The following NR3C1 variants were observed in gnomAD, a reference collection of about 807,000 sequenced individuals.
NR3C1 encodes glucocorticoid receptor.
A neutral mutation model predicts 74.0 loss-of-function variants in NR3C1; 14 were observed. The observed-to-expected ratio is 0.19, with a 90% CI of 0.12 to 0.30. The LOEUF (loss-of-function observed/expected upper bound fraction) is 0.30. NR3C1 is among the 10% of genes least tolerant of loss of function. The probability of loss-of-function intolerance (pLI) is 1.00; values close to 1 mark genes in which losing one functional copy is unlikely to be tolerated. For missense variants in NR3C1, 695 were observed against 909.8 expected (o/e 0.76, Z 3.04); for synonymous variants, 308 against 332.5 (o/e 0.93, Z 0.80).
At chr5:143,377,504 A>C (rs530052991) in intron 2 of NR3C1, among the ~76,000 whole-genome samples, 3 of 152,252 alleles carry the variant, frequency 2.0e-5, no homozygotes, top group Non-Finnish European at 4.4e-5. Context: ...CACCTGCTAC[A>C]GTTAATTGTT....
At chr5:143,392,052 G>A (rs557441081) in intron 2 of NR3C1, among the ~76,000 whole-genome samples, 6 of 151,462 alleles carry the variant, frequency 4.0e-5, no homozygotes, top group Non-Finnish European at 8.8e-5. Context: ...TGCAAGCTCC[G>A]CCTCCCAGGT....
intron 7 of NR3C1, among the ~76,000 whole-genome samples, chr5:143,287,844 C>A (rs994505719): frequency 6.6e-6 from 1 of 152,084 alleles, no homozygotes; most frequent in Non-Finnish European, 1.5e-5. Context: ...CCATTTCAAG[C>A]CATTTTCCTG....
At chr5:143,306,171 G>A (rs1272732835) in intron 4 of NR3C1, among the ~76,000 whole-genome samples, 4 of 152,120 alleles carry the variant, frequency 2.6e-5, no homozygotes, top group Non-Finnish European at 5.9e-5. Context: ...CCTTTAAGCA[G>A]TGAAGGCCAC....
At chr5:143,351,558 T>G (rs1333562196) in intron 2 of NR3C1, among the ~76,000 whole-genome samples, 1 of 152,096 alleles carries the variant, frequency 6.6e-6, no homozygotes, top group Admixed American at 6.6e-5. Flanking sequence ...AACAGAACTG[T>G]CATAAAACAC....
intron 2 of NR3C1, among the ~76,000 whole-genome samples, chr5:143,346,920 G>A (rs1335773599): frequency 1.3e-5 from 2 of 152,206 alleles, no homozygotes; most frequent in African/African-American, 4.8e-5. Flanking sequence ...TAAGGCTAAT[G>A]AAAATCGACT....
In NR3C1 at chr5:143,300,785, C is replaced by T. The variant is rs760475415; in HGVS notation, c.1469-22G>A. 6.2e-7 allele frequency: 1 copy of T among 1,608,650 alleles called. No individual in the cohort carries two copies. The highest frequency in any genetic ancestry group is 8.5e-7 in the Non-Finnish European group (1 of 1,176,008). The stretch of plus-strand genomic sequence containing the variant: ...CGAGCTGTGGGTATTTAAACAAATA[C>T]ATAGAAATGAACTGTAATGGGAAGG... On this transcript the variant is annotated intron_variant, in intron 4 of 8. Coordinates refer to ENST00000394464, the MANE Select transcript of NR3C1 (RefSeq NM_000176.3). This position sits in a 1 kb window ranked among gnomAD's most constrained non-coding sequence, Gnocchi z 5.2.
chr5:143,313,151 C>T (rs1044257152), intron 3 of NR3C1, among the ~76,000 whole-genome samples: 15 of 152,192 alleles, frequency 9.9e-5, no homozygotes, highest in Non-Finnish European at 2.1e-4. Flanking sequence ...AAGCTACTTT[C>T]AAACTGCTTT....
intron 3 of NR3C1, among the ~76,000 whole-genome samples, chr5:143,313,048 T>C (rs1310434850): frequency 6.6e-6 from 1 of 152,240 alleles, no homozygotes. Flanking sequence ...CTCATGGATA[T>C]GCAAACACAA....
At chr5:143,356,834 G>A (rs903320284) in intron 2 of NR3C1, among the ~76,000 whole-genome samples, 2 of 152,166 alleles carry the variant, frequency 1.3e-5, no homozygotes, top group Non-Finnish European at 2.9e-5. Flanking sequence ...GAGCCCAAAT[G>A]AGAAAGAATA....
At chr5:143,329,381 G>C (rs1281752823) in intron 2 of NR3C1, among the ~76,000 whole-genome samples, 3 of 152,192 alleles carry the variant, frequency 2.0e-5, no homozygotes, top group Non-Finnish European at 2.9e-5. Context: ...GATAAGATTT[G>C]GGTGGGGACA....
rs368170836 is a variant in NR3C1 at position 143,356,613 on chromosome 5, G to T, written c.1185-42445C>A. 5.0e-4 allele frequency among the ~76,000 whole-genome samples: 76 copies of T among 151,488 alleles called. No homozygotes were observed. The South Asian group carries it at 0.014, about 29-fold the overall frequency. On this transcript the variant is annotated intron_variant, in intron 2 of 8. Coordinates refer to ENST00000394464, the MANE Select transcript of NR3C1 (RefSeq NM_000176.3). Reference sequence around the variant, plus strand: ...CAATAATTTTGGAGTTTTGGTTCCTGCAATCTTTTGATCCTATAGTGATAT... The same window carrying T: ...CAATAATTTTGGAGTTTTGGTTCCTTCAATCTTTTGATCCTATAGTGATAT...
chr5:143,401,198 C>T (rs1031743756), intron 1 of NR3C1: 7 of 273,402 alleles, frequency 2.6e-5, no homozygotes, highest in Non-Finnish European at 5.0e-5. Context: ...TCTGAAGGTT[C>T]AAGTTGATGT....
At chr5:143,338,508 C>T (rs1410049389) in intron 2 of NR3C1, among the ~76,000 whole-genome samples, 2 of 151,978 alleles carry the variant, frequency 1.3e-5, no homozygotes, top group Non-Finnish European at 2.9e-5. Flanking sequence ...ATGACACTGA[C>T]TTTGTATAGG....
At chr5:143,297,754 T>A (rs1817616247) in intron 6 of NR3C1, among the ~76,000 whole-genome samples, 2 of 152,182 alleles carry the variant, frequency 1.3e-5, no homozygotes, top group African/African-American at 4.8e-5. Context: ...AGGTAGAAAG[T>A]GAGAGTAACT....
chr5:143,421,560 C>A (rs1751235187), intron 1 of NR3C1, among the ~76,000 whole-genome samples: 1 of 151,882 alleles, frequency 6.6e-6, no homozygotes. Flanking sequence ...GAGGCTCACA[C>A]CTGTAATCCC....
intron 1 of NR3C1, chr5:143,402,876 G>A (rs867646855): frequency 3.1e-6 from 3 of 969,860 alleles, no homozygotes; most frequent in Non-Finnish European, 3.7e-6. Context: ...AGGGAAAGGG[G>A]ACACTAGGGG....
At position 143,300,235 on chromosome 5, in the gene NR3C1, A is replaced by T. The variant is rs1302109355; in HGVS notation, c.1747+250T>A. ...AGTTTTGAGTGAGTCTTGTAACTTGAATTCTGATATTACATCATCCTATGT... is the reference window on the plus strand; with the variant it reads ...AGTTTTGAGTGAGTCTTGTAACTTGTATTCTGATATTACATCATCCTATGT... On this transcript the variant is annotated intron_variant, in intron 5 of 8. Coordinates refer to ENST00000394464, the MANE Select transcript of NR3C1 (RefSeq NM_000176.3). This position sits in a 1 kb window ranked among gnomAD's most constrained non-coding sequence, Gnocchi z 5.2. Among the ~76,000 whole-genome samples, 1 of 152,198 alleles carries T rather than the reference A, an allele frequency of 6.6e-6. No homozygotes were observed. The highest frequency in any genetic ancestry group is 2.4e-5 in the African/African-American group (1 of 41,438).
At chr5:143,291,199 C>T (rs1308350882) in intron 7 of NR3C1, among the ~76,000 whole-genome samples, 1 of 151,898 alleles carries the variant, frequency 6.6e-6, no homozygotes, top group African/African-American at 2.4e-5. Flanking sequence ...TTTTGTTATT[C>T]TTCAGTCCTT....
intron 7 of NR3C1, among the ~76,000 whole-genome samples, chr5:143,286,796 G>C (rs1599677126): frequency 6.6e-6 from 1 of 151,958 alleles, no homozygotes; most frequent in Admixed American, 6.6e-5. Flanking sequence ...TACTTAACAA[G>C]AGCACAGTAA....
Sources: allele counts gnomAD v4.1 joint callset (sites outside exome capture counted in the v4.1 genomes callset), GRCh38; gene constraint gnomAD v4.1.1; non-coding constraint Gnocchi (gnomAD v3.1); transcripts MANE v1.5; gene names NCBI Gene and HGNC (gene_info 2026-07-23, HGNC 2026-07-21).